Variants in ERBB4 observed in about 807,000 individuals in gnomAD.
ERBB4 encodes erb-b2 receptor tyrosine kinase 4, also known as receptor tyrosine-protein kinase erbB-4.
ERBB4 carries 42 observed loss-of-function variants against 158.0 expected under a neutral mutation model. That is an observed-to-expected ratio of 0.27 (90% CI 0.21 to 0.34). The LOEUF (loss-of-function observed/expected upper bound fraction) is 0.34. Among genes scored for constraint, ERBB4 ranks in the 10% least tolerant of loss-of-function variants. ERBB4 has a pLI of 1.00. For synonymous variants in ERBB4, 583 were observed against 558.7 expected, an observed-to-expected ratio of 1.04 and a Z score of -0.61; for missense variants, 1,333 against 1,624.1, an observed-to-expected ratio of 0.82 and a Z score of 3.08.
At chr2:212,060,849 T>C (rs953738062) in intron 2 of ERBB4, among the ~76,000 whole-genome samples, 3 of 150,674 alleles carry the variant, frequency 2.0e-5, no homozygotes, top group Admixed American at 6.6e-5. Flanking sequence ...TTAGGAGATA[T>C]ACCTAATGTA....
At chr2:211,596,776 T>C (rs1363347242) in intron 19 of ERBB4, among the ~76,000 whole-genome samples, 1 of 152,116 alleles carries the variant, frequency 6.6e-6, no homozygotes, top group African/African-American at 2.4e-5. Flanking sequence ...CTCTTTTTTT[T>C]TTTCTGAGAT....
intron 1 of ERBB4, among the ~76,000 whole-genome samples, chr2:212,359,996 T>G (rs2089623392): frequency 6.6e-6 from 1 of 151,654 alleles, no homozygotes; most frequent in Non-Finnish European, 1.5e-5. Context: ...AAAACATTGA[T>G]CAGAATCAGA....
rs962665749 is a variant in ERBB4 at position 211,388,460 on chromosome 2, T to G, written c.3136-468A>C. ...GGAGATTTCGATTTGCCTGGACTAA[T>G]TTTTGCTATCAAGCTACATTTATTT... On this transcript the variant is annotated intron_variant, in intron 25 of 27. Coordinates refer to ENST00000342788, the MANE Select transcript of ERBB4 (RefSeq NM_005235.3). Among the ~76,000 whole-genome samples the G allele has an allele frequency of 2.0e-5, 3 of 152,218 alleles. No homozygotes were observed. In the East Asian group the frequency reaches 5.8e-4, roughly 29 times the overall value.
chr2:211,954,871 G>C (rs1559179022), intron 2 of ERBB4, among the ~76,000 whole-genome samples: 1 of 151,960 alleles, frequency 6.6e-6, no homozygotes, highest in Admixed American at 6.6e-5. Flanking sequence ...GCATGAAAAA[G>C]TTTACCAGAA....
chr2:212,000,726 A>G (rs1055755226), intron 2 of ERBB4, among the ~76,000 whole-genome samples: 3 of 151,980 alleles, frequency 2.0e-5, no homozygotes, highest in Non-Finnish European at 4.4e-5. Flanking sequence ...AGAAGGTCAG[A>G]AAAAATGTCT....
Position 211,705,379 on chromosome 2 carries a change from A to T in ERBB4, c.1137T>A (p.Asn379Lys), listed in dbSNP as rs370764779. ...LVTGIHGDPY[N>K]AIEAIDPEKL... ...TCTCTGGGTCTATGGCTTCAATTGC[A>T]TTGTAAGGGTCCCTAGAAAATCAAG... Residue 379 changes from asparagine to lysine, a missense_variant, in exon 10 of 28, where the codon AAT becomes AAA. Asn to Lys is a moderately conservative substitution (Grantham distance 94). Around this residue, in one of 5 missense-constraint regions of ERBB4, gnomAD observed 438 missense variants for 586.9 expected, o/e 0.75. Coordinates refer to ENST00000342788, the MANE Select transcript of ERBB4 (RefSeq NM_005235.3). 1 of 1,610,348 alleles carries T rather than the reference A, an allele frequency of 6.2e-7. No homozygotes were observed. Among genetic ancestry groups the T allele is most frequent in the South Asian group, 1.1e-5 (1 of 91,000 alleles).
At chr2:212,113,445 A>C (rs529935146) in intron 2 of ERBB4, among the ~76,000 whole-genome samples, 11 of 151,724 alleles carry the variant, frequency 7.3e-5, no homozygotes, top group Non-Finnish European at 1.3e-4. Flanking sequence ...GTGGTGGTGG[A>C]TGCCTGCAGT....
intron 1 of ERBB4, among the ~76,000 whole-genome samples, chr2:212,507,344 G>A (rs572810048): frequency 2.0e-4 from 30 of 152,060 alleles, no homozygotes; most frequent in Admixed American, 1.5e-3. Context: ...CTATTCTGCC[G>A]CTCATTACTT....
At chr2:212,140,863 G>C (rs1366736229) in intron 1 of ERBB4, among the ~76,000 whole-genome samples, 4 of 150,816 alleles carry the variant, frequency 2.7e-5, no homozygotes, top group Non-Finnish European at 5.9e-5. Flanking sequence ...GTGTGTGTGT[G>C]TGTGTGTGTG....
At chr2:212,326,647 C>T (rs1303427891) in intron 1 of ERBB4, among the ~76,000 whole-genome samples, 1 of 150,510 alleles carries the variant, frequency 6.6e-6, no homozygotes, top group Non-Finnish European at 1.5e-5. Context: ...GCCCTCAGTC[C>T]CTAATGCATA....
chr2:211,864,913 A>G (rs1469873516), intron 3 of ERBB4, among the ~76,000 whole-genome samples: 1 of 152,172 alleles, frequency 6.6e-6, no homozygotes, highest in Non-Finnish European at 1.5e-5. Context: ...TGGGAGGGTG[A>G]GGCAGGAGAA....
chr2:211,796,927 T>C (rs535638830), intron 3 of ERBB4, among the ~76,000 whole-genome samples: 2 of 152,044 alleles, frequency 1.3e-5, no homozygotes, highest in South Asian at 4.1e-4. Flanking sequence ...AATGACACTT[T>C]AAAATGTCTT....
At chr2:211,461,914 C>CA (rs961079596) in intron 20 of ERBB4, among the ~76,000 whole-genome samples, 12 of 150,724 alleles carry the variant, frequency 8.0e-5, no homozygotes, top group African/African-American at 2.4e-4. Flanking sequence ...AAAACAACAA[C>CA]AAAAAAAAAC....
intron 20 of ERBB4, among the ~76,000 whole-genome samples, chr2:211,498,930 C>T (rs1037117105): frequency 6.6e-6 from 1 of 152,104 alleles, no homozygotes; most frequent in African/African-American, 2.4e-5. Context: ...ATGCTTCCCT[C>T]AGGGACACAG....
At chr2:212,421,444 C>A (rs1403781851) in intron 1 of ERBB4, among the ~76,000 whole-genome samples, 1 of 152,096 alleles carries the variant, frequency 6.6e-6, no homozygotes, top group African/African-American at 2.4e-5. Flanking sequence ...ATTGACTTAA[C>A]ACTTTTCTTA....
At chr2:211,441,643 G>T (rs1470722773) in intron 20 of ERBB4, among the ~76,000 whole-genome samples, 1 of 151,936 alleles carries the variant, frequency 6.6e-6, no homozygotes, top group African/African-American at 2.4e-5. Context: ...ATCTTTTCTG[G>T]GGCTGCTATC....
intron 1 of ERBB4, among the ~76,000 whole-genome samples, chr2:212,387,105 A>G (rs1244761083): frequency 6.6e-6 from 1 of 152,132 alleles, no homozygotes; most frequent in Non-Finnish European, 1.5e-5. Flanking sequence ...AATAACCTGA[A>G]TTCATCCAGT....
At chr2:211,487,837 C>T (rs1480782835) in intron 20 of ERBB4, among the ~76,000 whole-genome samples, 3 of 151,994 alleles carry the variant, frequency 2.0e-5, no homozygotes, top group Non-Finnish European at 4.4e-5. Context: ...AACCACTGGC[C>T]AGAGTAATTA....
chr2:211,748,110 G>T (rs2075027522), intron 5 of ERBB4, among the ~76,000 whole-genome samples: 2 of 150,676 alleles, frequency 1.3e-5, no homozygotes, highest in Admixed American at 1.3e-4. Context: ...AAGTATTTTT[G>T]ATCTGCAGTT....
Sources: gnomAD v4.1 joint callset for allele counts (sites outside exome capture counted in the v4.1 genomes callset) on GRCh38, gnomAD v4.1.1 for gene constraint, gnomAD v4.1.1 regional missense constraint, MANE v1.5 for transcripts, NCBI Gene and HGNC (gene_info 2026-07-23, HGNC 2026-07-21) for gene names.